JAZF1: variants seen among roughly 807,000 people sequenced by gnomAD.
JAZF1 encodes the protein JAZF zinc finger 1, also known as juxtaposed with another zinc finger protein 1.
In JAZF1, 8 loss-of-function variants were observed where a neutral mutation model predicts 26.4. The observed-to-expected ratio is 0.30, with a 90% confidence interval of 0.18 to 0.55. JAZF1 has a LOEUF of 0.55. JAZF1 is among the 20% of genes least tolerant of loss of function. The pLI is 0.94. For missense variants in JAZF1, 199 were observed against 322.0 expected (o/e 0.62, Z 2.92); for synonymous variants, 126 against 122.3 (o/e 1.03, Z -0.20).
chr7:28,104,078 G>A (rs1784515240), intron 1 of JAZF1, among the ~76,000 whole-genome samples: 1 of 152,060 alleles, frequency 6.6e-6, no homozygotes, highest in Non-Finnish European at 1.5e-5. Flanking sequence ...CCACCTCAGG[G>A]CCCCAGTCCG....
intron 1 of JAZF1, among the ~76,000 whole-genome samples, chr7:28,001,910 T>C (rs1157618356): frequency 6.6e-6 from 1 of 152,150 alleles, no homozygotes; most frequent in Non-Finnish European, 1.5e-5. Flanking sequence ...GAGTATTTCA[T>C]TACAAAAACA....
chr7:28,172,769 T>C (rs1391433919), intron 1 of JAZF1, among the ~76,000 whole-genome samples: 2 of 152,184 alleles, frequency 1.3e-5, no homozygotes, highest in African/African-American at 4.8e-5. Context: ...CCAGGTAAGC[T>C]GGCACGGTGG....
At chr7:28,115,969 G>A (rs974661441) in intron 1 of JAZF1, among the ~76,000 whole-genome samples, 1 of 152,090 alleles carries the variant, frequency 6.6e-6, no homozygotes, top group African/African-American at 2.4e-5. Context: ...ATCAACGTAT[G>A]AAGAGTTTCC....
At chr7:28,150,910 T>C (rs1008711536) in intron 1 of JAZF1, among the ~76,000 whole-genome samples, 1 of 152,208 alleles carries the variant, frequency 6.6e-6, no homozygotes, top group African/African-American at 2.4e-5. Flanking sequence ...GCTCATTCGA[T>C]AGGTAACGCC....
intron 3 of JAZF1, chr7:27,846,677 G>A: frequency 3.0e-6 from 1 of 336,028 alleles, no homozygotes; most frequent in Non-Finnish European, 6.2e-6. Context: ...GCTAGCTCAT[G>A]GTGGTTTTGA....
At chr7:28,075,422 A>G (rs1462800909) in intron 1 of JAZF1, among the ~76,000 whole-genome samples, 2 of 152,222 alleles carry the variant, frequency 1.3e-5, no homozygotes, top group Non-Finnish European at 2.9e-5. Context: ...TTAAGTAAAT[A>G]TGAGAAAATA....
chr7:27,971,862 A>G (rs73683916), intron 2 of JAZF1, among the ~76,000 whole-genome samples: 3,820 of 152,252 alleles, frequency 0.025, 155 homozygotes, highest in African/African-American at 0.088. Flanking sequence ...TTGCTATACA[A>G]TCAGGTGTGA....
chr7:28,097,912 A>G lies in JAZF1; in HGVS notation c.115+82551T>C, dbSNP rs977976172. Among the ~76,000 whole-genome samples the G allele has an allele frequency of 2.0e-5, 3 of 152,356 alleles. No individual in the cohort carries two copies. In the Middle Eastern group the frequency reaches 0.01, roughly 518 times the overall value. On this transcript the variant is annotated intron_variant, in intron 1 of 4. Coordinates refer to ENST00000283928, the MANE Select transcript of JAZF1 (RefSeq NM_175061.4). ...TATGCACTTCTGCACAGGGGTGCCCAGCTCCAGGCTACTCATTAAATTCTC... is the reference window on the plus strand; with the variant it reads ...TATGCACTTCTGCACAGGGGTGCCCGGCTCCAGGCTACTCATTAAATTCTC...
chr7:27,898,668 C>G (rs1784113166), intron 2 of JAZF1, among the ~76,000 whole-genome samples: 1 of 152,160 alleles, frequency 6.6e-6, no homozygotes, highest in Admixed American at 6.5e-5. Flanking sequence ...TTCACACACA[C>G]AAACCCCACC....
Position 27,845,711 on chromosome 7 carries a change from A to AAAG in JAZF1, c.386-4845_386-4844insCTT, listed in dbSNP as rs1554328475. On this transcript the variant is annotated intron_variant, in intron 3 of 4. Coordinates refer to ENST00000283928, the MANE Select transcript of JAZF1 (RefSeq NM_175061.4). ...GACTCTGCCTCAAAAAAAAAAAAAA[A>AAAG]AAAGAAAAGAAAAAGAAAAAGAAAT... Among the ~76,000 whole-genome samples, 13 of 137,698 alleles carry AAAG rather than the reference A, an allele frequency of 9.4e-5. 1 individual carries two copies. The highest frequency in any genetic ancestry group is 8.6e-4 in the East Asian group (4 of 4,662). The allele number at this position is 137,698 out of a possible 152,430, so 90.3% of individuals were successfully genotyped here.
At chr7:27,895,607 A>C (rs1299939594) in intron 2 of JAZF1, among the ~76,000 whole-genome samples, 191 bp from the exon 3 acceptor site, 2 of 152,182 alleles carry the variant, frequency 1.3e-5, no homozygotes, top group African/African-American at 4.8e-5. Flanking sequence ...GTTATTTTTA[A>C]GGTTTCTCAA....
chr7:28,113,258 C>T lies in JAZF1; in HGVS notation c.115+67205G>A, dbSNP rs946972239. On this transcript the variant is annotated intron_variant, in intron 1 of 4. Coordinates refer to ENST00000283928, the MANE Select transcript of JAZF1 (RefSeq NM_175061.4). ...TAGAGATGGAAATGATCGCCAGCCTCGTTTTACAAACAGGACCAAGGAGGC... is the reference window on the plus strand; with the variant it reads ...TAGAGATGGAAATGATCGCCAGCCTTGTTTTACAAACAGGACCAAGGAGGC... 1.8e-4 allele frequency among the ~76,000 whole-genome samples: 27 copies of T among 152,292 alleles called. No individual in the cohort carries two copies. In the South Asian group the frequency reaches 2.7e-3, roughly 15 times the overall value.
At chr7:27,849,450 T>C (rs1783091978) in intron 3 of JAZF1, among the ~76,000 whole-genome samples, 1 of 152,208 alleles carries the variant, frequency 6.6e-6, no homozygotes. Flanking sequence ...TAATTTAACC[T>C]GACACTGTCA....
intron 2 of JAZF1, among the ~76,000 whole-genome samples, chr7:27,978,655 C>T (rs1403706418): frequency 1.3e-5 from 2 of 152,188 alleles, no homozygotes; most frequent in African/African-American, 4.8e-5. Context: ...ATACACAACA[C>T]TACTCCCATC....
In JAZF1 at chr7:27,840,846, T is replaced by A; in HGVS notation, c.407A>T (p.Glu136Val). 1 of 1,613,996 alleles carries A rather than the reference T, an allele frequency of 6.2e-7. No homozygotes were observed. Among genetic ancestry groups the A allele is most frequent in the Non-Finnish European group, 8.5e-7 (1 of 1,179,974 alleles). Residue 136 changes from glutamate to valine, a missense_variant, in exon 4 of 5, where the codon GAG (glutamate) becomes GTG (valine). By Grantham distance (121) the Glu-to-Val change is moderately radical. Transcript: ENST00000283928. The surrounding 1 kb of genome is among the most constrained non-coding windows in gnomAD (Gnocchi z 5.1). Reference protein sequence around the residue: ...TPTGSEYDEEEVDYEESDSDE... With the variant: ...TPTGSEYDEEVVDYEESDSDE... The stretch of plus-strand genomic sequence containing the variant: ...GCTGTCCGACTCCTCATAGTCCACC[T>A]CCTCCTCGTCATACTCGCTGCCTGC...
chr7:28,171,721 T>C (rs550155079), intron 1 of JAZF1, among the ~76,000 whole-genome samples: 25 of 152,356 alleles, frequency 1.6e-4, no homozygotes, highest in African/African-American at 5.8e-4. Context: ...AAGTGTGTTA[T>C]TTAACTAATA....
intron 3 of JAZF1, among the ~76,000 whole-genome samples, chr7:27,849,746 C>CACACAGACACAGACACAG (rs1554329059): frequency 4.4e-5 from 6 of 135,506 alleles, no homozygotes; most frequent in African/African-American, 1.4e-4. Flanking sequence ...GGAACCCTTA[C>CACACAGACACAGACACAG]ACACAGACAC....
chr7:28,019,626 C>T (rs533626477), intron 1 of JAZF1, among the ~76,000 whole-genome samples: 3 of 152,156 alleles, frequency 2.0e-5, no homozygotes, highest in African/African-American at 7.2e-5. Context: ...TTTCCTACCC[C>T]CCTCCTTGAC....
At chr7:28,083,570 C>T (rs1408431530) in intron 1 of JAZF1, among the ~76,000 whole-genome samples, 2 of 151,992 alleles carry the variant, frequency 1.3e-5, no homozygotes, top group African/African-American at 2.4e-5. Flanking sequence ...ACAGGGTTGC[C>T]GTGAAGACTA....
Sources: gnomAD v4.1 joint callset for allele counts (sites outside exome capture counted in the v4.1 genomes callset) on GRCh38, gnomAD v4.1.1 for gene constraint, Gnocchi (gnomAD v3.1) non-coding constraint, MANE v1.5 for transcripts, NCBI Gene and HGNC (gene_info 2026-07-23, HGNC 2026-07-21) for gene names.